ADGRB3: variants seen among roughly 807,000 people sequenced by gnomAD.
ADGRB3 encodes the protein brain-specific angiogenesis inhibitor 3.
A neutral mutation model predicts 193.4 loss-of-function variants in ADGRB3; 37 were observed. The ratio of observed to expected loss-of-function variants is 0.19; its 90% CI spans 0.15 to 0.25. The LOEUF is 0.25. Ranked by LOEUF, ADGRB3 falls within the 10% of genes least tolerant of loss-of-function variation. The pLI is 1.00. For synonymous variants in ADGRB3, 690 were observed against 644.2 expected (o/e 1.07, Z -1.08); for missense variants, 1,637 against 1,852.9 (o/e 0.88, Z 2.14).
chr6:68,740,594 G>A (rs938313429), intron 3 of ADGRB3, among the ~76,000 whole-genome samples: 1 of 152,064 alleles, frequency 6.6e-6, no homozygotes, highest in Non-Finnish European at 1.5e-5. Flanking sequence ...TAAGAATGAA[G>A]CATATATTTC....
At chr6:69,125,826 AT>A (rs1343579611) in intron 17 of ADGRB3, among the ~76,000 whole-genome samples, 14 of 152,148 alleles carry the variant, frequency 9.2e-5, no homozygotes, top group African/African-American at 3.4e-4. Flanking sequence ...TTTGAAGGCA[AT>A]TTGTTCTGTT....
intron 20 of ADGRB3, among the ~76,000 whole-genome samples, chr6:69,240,092 C>A (rs971136439): frequency 6.6e-6 from 1 of 151,920 alleles, no homozygotes; most frequent in Non-Finnish European, 1.5e-5. Context: ...TTGATAGGTT[C>A]TTTTCATGTA....
intron 17 of ADGRB3, among the ~76,000 whole-genome samples, chr6:69,201,485 C>A (rs1404623696): frequency 6.6e-6 from 1 of 151,840 alleles, no homozygotes; most frequent in African/African-American, 2.4e-5. Context: ...CTAATTTTCT[C>A]TGCTTTCTTT....
intron 3 of ADGRB3, among the ~76,000 whole-genome samples, chr6:68,704,439 T>A (rs577070804): frequency 6.6e-6 from 1 of 152,310 alleles, no homozygotes; most frequent in East Asian, 1.9e-4. Flanking sequence ...CTTTAAAGCT[T>A]TTTGCTGTTT....
intron 21 of ADGRB3, among the ~76,000 whole-genome samples, chr6:69,325,444 C>CGATT (rs1285512759): frequency 1.3e-4 from 20 of 151,572 alleles, no homozygotes; most frequent in Non-Finnish European, 2.5e-4. Flanking sequence ...AGAATAAAAG[C>CGATT]GATTCATTTC....
intron 10 of ADGRB3, among the ~76,000 whole-genome samples, chr6:68,990,955 CT>C (rs1332571269): frequency 6.6e-6 from 1 of 152,074 alleles, no homozygotes; most frequent in East Asian, 1.9e-4. Flanking sequence ...TTAGGTTAGA[CT>C]CTATTACCTT....
chr6:68,988,128 A>G lies in ADGRB3; in HGVS notation c.1735-5640A>G, dbSNP rs181166134. 1.2e-4 allele frequency among the ~76,000 whole-genome samples: 18 copies of G among 152,262 alleles called. No homozygotes were observed. The East Asian group carries it at 2.9e-3, about 25-fold the overall frequency. On this transcript the variant is annotated intron_variant, in intron 10 of 31. Transcript: ENST00000370598. ...TTGAACAGGTACTTTTGTGTGTCAC[A>G]TAGCGTTTTAGAGATTATAGTGGAA...
chr6:69,150,717 G>C (rs1279192409), intron 17 of ADGRB3, among the ~76,000 whole-genome samples: 1 of 152,180 alleles, frequency 6.6e-6, no homozygotes, highest in Non-Finnish European at 1.5e-5. Flanking sequence ...AAATATGCTA[G>C]ATCACACTTG....
At chr6:69,182,663 G>A (rs961437339) in intron 17 of ADGRB3, among the ~76,000 whole-genome samples, 8 of 152,010 alleles carry the variant, frequency 5.3e-5, no homozygotes, top group East Asian at 1.9e-4. Flanking sequence ...AGTGAGTCCC[G>A]TTCCCTTAAA....
chr6:68,803,275 C>A (rs948808309), intron 3 of ADGRB3, among the ~76,000 whole-genome samples: 1 of 152,168 alleles, frequency 6.6e-6, no homozygotes, highest in African/African-American at 2.4e-5. Context: ...ATTTACAGGA[C>A]CCTCCAGGCT....
chr6:68,739,203 G>T lies in ADGRB3; in HGVS notation c.757+99771G>T, dbSNP rs1314681374. ...GAAGGCTGAATGACCTGAATGGATT[G>T]GATTTAAGGGTAAATACGAAGAAAG... On this transcript the variant is annotated intron_variant, in intron 3 of 31. Coordinates refer to ENST00000370598, the MANE Select transcript of ADGRB3 (RefSeq NM_001704.3). Among the ~76,000 whole-genome samples the T allele has an allele frequency of 2.6e-5, 4 of 152,088 alleles. No individual in the cohort carries two copies. In the South Asian group the frequency reaches 8.3e-4, roughly 32 times the overall value.
chr6:68,642,133 C>G (rs1373553026), intron 3 of ADGRB3, among the ~76,000 whole-genome samples: 1 of 152,076 alleles, frequency 6.6e-6, no homozygotes, highest in Non-Finnish European at 1.5e-5. Flanking sequence ...GATTACTCTC[C>G]TTTGACTCCC....
chr6:69,001,107 A>G (rs546880496), intron 11 of ADGRB3, among the ~76,000 whole-genome samples: 1 of 152,226 alleles, frequency 6.6e-6, no homozygotes, highest in African/African-American at 2.4e-5. Context: ...TTCCACTTCT[A>G]TGAATTTTCG....
At chr6:68,722,501 A>G (rs970406709) in intron 3 of ADGRB3, among the ~76,000 whole-genome samples, 1 of 151,688 alleles carries the variant, frequency 6.6e-6, no homozygotes, top group African/African-American at 2.4e-5. Context: ...ATTGATCTTG[A>G]GGTATATATT....
intron 17 of ADGRB3, among the ~76,000 whole-genome samples, chr6:69,124,022 A>G (rs888099894): frequency 1.3e-5 from 2 of 152,102 alleles, no homozygotes; most frequent in East Asian, 3.9e-4. Context: ...CACTTGTAGG[A>G]TGAAATTATC....
intron 17 of ADGRB3, among the ~76,000 whole-genome samples, chr6:69,144,813 T>C (rs1582495987): frequency 6.6e-6 from 1 of 152,158 alleles, no homozygotes; most frequent in East Asian, 1.9e-4. Flanking sequence ...AATTTGCTAG[T>C]ATTTTGTTGA....
intron 13 of ADGRB3, among the ~76,000 whole-genome samples, chr6:69,029,415 G>C (rs1439474269): frequency 6.6e-6 from 1 of 152,126 alleles, no homozygotes; most frequent in African/African-American, 2.4e-5. Context: ...TTAGGAGAGA[G>C]GGCATAAATA....
At chr6:68,822,372 A>G (rs1472799248) in intron 3 of ADGRB3, among the ~76,000 whole-genome samples, 2 of 151,966 alleles carry the variant, frequency 1.3e-5, no homozygotes, top group African/African-American at 4.8e-5. Context: ...GATTTTATCA[A>G]AACACAGTGA....
At chr6:69,355,478 A>G (rs1489313186) in intron 27 of ADGRB3, among the ~76,000 whole-genome samples, 1 of 152,226 alleles carries the variant, frequency 6.6e-6, no homozygotes, top group African/African-American at 2.4e-5. Context: ...AAGAATATTC[A>G]TAATAATTCA....
Sources: allele counts gnomAD v4.1 joint callset (sites outside exome capture counted in the v4.1 genomes callset), GRCh38; gene constraint gnomAD v4.1.1; transcripts MANE v1.5; gene names NCBI Gene and HGNC (gene_info 2026-07-23, HGNC 2026-07-21).